The following MEGF11 variants were observed in gnomAD, a reference collection of about 807,000 sequenced individuals.
MEGF11 encodes multiple epidermal growth factor-like domains protein 11.
MEGF11 carries 126 observed loss-of-function variants against 146.6 expected under a neutral mutation model. The observed-to-expected ratio is 0.86, with a 90% confidence interval of 0.74 to 1.00. The LOEUF (loss-of-function observed/expected upper bound fraction) is 1.00, where lower values mean the gene tolerates loss of function less well. Ranked by LOEUF, MEGF11 falls within the 50% of genes least tolerant of loss-of-function variation. The pLI, the probability that MEGF11 is intolerant of heterozygous loss-of-function variation, is 0.00. For synonymous variants in MEGF11, 532 were observed against 583.4 expected (o/e 0.91, Z 1.27); for missense variants, 1,509 against 1,521.2 (o/e 0.99, Z 0.13).
At chr15:66,087,171 A>C (rs1310714376) in intron 5 of MEGF11, among the ~76,000 whole-genome samples, 1 of 152,224 alleles carries the variant, frequency 6.6e-6, no homozygotes, top group Non-Finnish European at 1.5e-5. Flanking sequence ...CCAAATTTAT[A>C]AAACAATTAC....
chr15:65,965,590 T>TTC (rs1308759717), intron 8 of MEGF11, among the ~76,000 whole-genome samples: 1 of 27,124 alleles, frequency 3.7e-5, no homozygotes, highest in African/African-American at 7.3e-5. Context: ...CTTTCTTTCT[T>TTC]TCTTTCTTTC....
intron 1 of MEGF11, among the ~76,000 whole-genome samples, chr15:66,176,862 C>A (rs2090400451): frequency 6.6e-6 from 1 of 151,102 alleles, no homozygotes; most frequent in South Asian, 2.1e-4. Context: ...CCTACCAGAT[C>A]CTGACAGGAA....
chr15:65,998,695 G>A (rs1295120321), intron 5 of MEGF11, among the ~76,000 whole-genome samples: 1 of 152,180 alleles, frequency 6.6e-6, no homozygotes, highest in East Asian at 1.9e-4. Context: ...AGTTATGGCA[G>A]GAGGTTCGGG....
intron 10 of MEGF11, among the ~76,000 whole-genome samples, chr15:65,946,941 C>T (rs1226417835): frequency 6.6e-6 from 1 of 152,158 alleles, no homozygotes; most frequent in Non-Finnish European, 1.5e-5. Context: ...GACTGGCTTC[C>T]CTGGGCCTGT....
At chr15:66,020,129 G>A (rs2140165223) in intron 5 of MEGF11, among the ~76,000 whole-genome samples, 1 of 152,348 alleles carries the variant, frequency 6.6e-6, no homozygotes, top group East Asian at 1.9e-4. Flanking sequence ...TACAGCACAG[G>A]GCCCAGGCCC....
At chr15:66,052,729 G>T (rs2140358089) in intron 5 of MEGF11, among the ~76,000 whole-genome samples, 1 of 152,254 alleles carries the variant, frequency 6.6e-6, no homozygotes, top group South Asian at 2.1e-4. Context: ...GGCTGCACTA[G>T]GGGGCTTCTA....
rs574105945 is a variant in MEGF11, at chr15:65,924,788, C to T, written c.1676-1819G>A. Among the ~76,000 whole-genome samples the T allele has an allele frequency of 1.1e-4, 16 of 152,224 alleles. No homozygotes were observed. In the South Asian group the frequency reaches 2.1e-3, roughly 20 times the overall value. On this transcript the variant is annotated intron_variant, in intron 13 of 25. Transcript: ENST00000395614. ...TTACAGGTATAAGCCACCACCACAGCTGGCTAACTTTTGTATTTTTAGTAG... is the reference window on the plus strand; with the variant it reads ...TTACAGGTATAAGCCACCACCACAGTTGGCTAACTTTTGTATTTTTAGTAG...
intron 1 of MEGF11, among the ~76,000 whole-genome samples, chr15:66,135,953 C>G (rs943835859): frequency 6.6e-6 from 1 of 152,220 alleles, no homozygotes; most frequent in Non-Finnish European, 1.5e-5. Flanking sequence ...CCTTCCAACT[C>G]TGTAAGCTTA....
intron 5 of MEGF11, among the ~76,000 whole-genome samples, chr15:66,047,438 A>G (rs114819501): frequency 8.5e-4 from 129 of 152,056 alleles, no homozygotes; most frequent in African/African-American, 2.9e-3. Flanking sequence ...GATGGGACTG[A>G]CTCTACCCTC....
At chr15:65,924,392 T>G in intron 13 of MEGF11, among the ~76,000 whole-genome samples, 1 of 146,528 alleles carries the variant, frequency 6.8e-6, no homozygotes, top group South Asian at 2.2e-4. Context: ...GGGCAAGTGG[T>G]TTCCTCCCCA....
chr15:66,098,353 C>G (rs1255679057), intron 4 of MEGF11, among the ~76,000 whole-genome samples: 1 of 152,220 alleles, frequency 6.6e-6, no homozygotes, highest in African/African-American at 2.4e-5. Context: ...AATCAATTCT[C>G]CCTTCTATTG....
At chr15:66,205,997 T>C (rs1338461249) in intron 1 of MEGF11, among the ~76,000 whole-genome samples, 1 of 152,224 alleles carries the variant, frequency 6.6e-6, no homozygotes, top group East Asian at 1.9e-4. Context: ...AAAAATTATC[T>C]GACAAAGATT....
chr15:66,150,866 G>GAGAGAGAGAT (rs567593084), intron 1 of MEGF11, among the ~76,000 whole-genome samples: 33 of 122,480 alleles, frequency 2.7e-4, no homozygotes, highest in Non-Finnish European at 4.9e-4. Flanking sequence ...GAGAGAGAGA[G>GAGAGAGAGAT]AGAGGAAAGA....
In MEGF11 at chr15:65,944,633, C is replaced by T. The variant is rs909695173; in HGVS notation, c.1287+12914G>A. Among the ~76,000 whole-genome samples, 3 of 152,142 alleles carry T rather than the reference C, an allele frequency of 2.0e-5. No individual in the cohort carries two copies. In the South Asian group the frequency reaches 6.2e-4, roughly 32 times the overall value. On this transcript the variant is annotated intron_variant, in intron 10 of 25. Coordinates refer to ENST00000395614, the MANE Select transcript of MEGF11 (RefSeq NM_001385028.1). Reference sequence around the variant, plus strand: ...GGCCCCCTAGAGCAGGTGAGTGACTCAGTGTTCCAGCCTGTTTTAGAAAGG... The same window carrying T: ...GGCCCCCTAGAGCAGGTGAGTGACTTAGTGTTCCAGCCTGTTTTAGAAAGG...
intron 5 of MEGF11, among the ~76,000 whole-genome samples, chr15:66,048,786 AG>A (rs2084331601): frequency 6.6e-6 from 1 of 152,206 alleles, no homozygotes; most frequent in African/African-American, 2.4e-5. Flanking sequence ...GTTAAGTTCT[AG>A]GCAGCAGAAT....
At chr15:66,070,197 G>A (rs2085307604) in intron 5 of MEGF11, among the ~76,000 whole-genome samples, 1 of 152,224 alleles carries the variant, frequency 6.6e-6, no homozygotes, top group African/African-American at 2.4e-5. Context: ...GACTGGGGAA[G>A]CCCAGCTTTA....
intron 21 of MEGF11, among the ~76,000 whole-genome samples, chr15:65,911,096 AG>A (rs1309682402): frequency 1.3e-5 from 2 of 152,164 alleles, no homozygotes; most frequent in African/African-American, 4.8e-5. Flanking sequence ...TGACTATAAG[AG>A]GACATCTTGC....
At chr15:66,082,685 A>AAAAAAAAAAAAAAAAAC (rs2085941443) in intron 5 of MEGF11, among the ~76,000 whole-genome samples, 1 of 146,564 alleles carries the variant, frequency 6.8e-6, no homozygotes, top group African/African-American at 2.5e-5. Context: ...AAAAAAAAAA[A>AAAAAAAAAAAAAAAAAC]AAAAAGGGCG....
chr15:65,972,192 TTAAC>T (rs1450244181), intron 7 of MEGF11, among the ~76,000 whole-genome samples: 1 of 152,114 alleles, frequency 6.6e-6, no homozygotes, highest in African/African-American at 2.4e-5. Flanking sequence ...TGACATCTAA[TTAAC>T]AGGAGTTCCA....
Sources: gnomAD v4.1 joint callset for allele counts (sites outside exome capture counted in the v4.1 genomes callset) on GRCh38, gnomAD v4.1.1 for gene constraint, MANE v1.5 for transcripts, NCBI Gene and HGNC (gene_info 2026-07-23, HGNC 2026-07-21) for gene names.